Variants in PALLD observed in about 807,000 individuals in gnomAD.
The protein encoded by PALLD is palladin.
In PALLD, 61 loss-of-function variants were observed where a neutral mutation model predicts 123.5. The ratio of observed to expected loss-of-function variants is 0.49; its 90% CI spans 0.40 to 0.61. The LOEUF (loss-of-function observed/expected upper bound fraction) is 0.61, where lower values mean the gene tolerates loss of function less well. PALLD is among the 20% of genes least tolerant of loss of function. PALLD has a pLI of 0.00. For synonymous variants in PALLD, 465 were observed against 496.4 expected (o/e 0.94, Z 0.84); for missense variants, 1,273 against 1,377.0 (o/e 0.92, Z 1.20).
chr4:168,743,060 G>T (rs569288024), intron 10 of PALLD, among the ~76,000 whole-genome samples: 1 of 152,198 alleles, frequency 6.6e-6, no homozygotes, highest in African/African-American at 2.4e-5. Flanking sequence ...AGAATAGATT[G>T]CCTTCTGTGT....
intron 3 of PALLD, among the ~76,000 whole-genome samples, chr4:168,675,297 G>A (rs1407443882): frequency 6.6e-6 from 1 of 152,224 alleles, no homozygotes; most frequent in Non-Finnish European, 1.5e-5. Flanking sequence ...AAGAGAACCA[G>A]CGTGACACAG....
At chr4:168,905,651 A>G (rs1236730132) in intron 15 of PALLD, among the ~76,000 whole-genome samples, 4 of 152,096 alleles carry the variant, frequency 2.6e-5, no homozygotes, top group African/African-American at 7.2e-5. Flanking sequence ...GCACATTCTT[A>G]AAGTTCTAAA....
intron 6 of PALLD, among the ~76,000 whole-genome samples, chr4:168,686,025 C>A (rs1025712233): frequency 2.6e-5 from 4 of 151,782 alleles, no homozygotes; most frequent in Admixed American, 1.3e-4. Context: ...TTCCTTTTTC[C>A]TTCCTTTTTT....
intron 2 of PALLD, among the ~76,000 whole-genome samples, chr4:168,572,730 C>T (rs1397703095): frequency 6.6e-6 from 1 of 151,850 alleles, no homozygotes; most frequent in Non-Finnish European, 1.5e-5. Context: ...GCAAAACCTC[C>T]AAATCTGAAC....
Position 168,708,931 on chromosome 4 carries a change from C to T in PALLD, c.1502-97C>T, listed in dbSNP as rs1784466255. 9.6e-6 allele frequency: 10 copies of T among 1,039,128 alleles called. No homozygotes were observed. The East Asian group carries it at 2.1e-4, about 22-fold the overall frequency. 64.4% of individuals were successfully genotyped at this position (1,039,128 alleles called of 1,614,324 possible). A position where few individuals can be genotyped will look rare whatever the true frequency, so the allele number is the denominator to read the frequency against. On this transcript the variant is annotated intron_variant, in intron 8 of 21. Transcript: ENST00000505667. ...TAAAGTGAATCTGTAATAATCATAA[C>T]CTAATTTGTTTGTTGTGGAAAGGTG...
chr4:168,708,273 A>ATCG (rs1227547183), intron 8 of PALLD, among the ~76,000 whole-genome samples: 2 of 152,024 alleles, frequency 1.3e-5, no homozygotes, highest in Non-Finnish European at 2.9e-5. Context: ...TGTTATCGTC[A>ATCG]TCATCATCAT....
chr4:168,881,365 G>A (rs1311429412), intron 10 of PALLD, among the ~76,000 whole-genome samples: 2 of 151,966 alleles, frequency 1.3e-5, no homozygotes, highest in African/African-American at 2.4e-5. Context: ...GGTAGCAGAG[G>A]TCAAAGCAGG....
At chr4:168,601,167 G>C (rs1399076026) in intron 2 of PALLD, among the ~76,000 whole-genome samples, 2 of 151,846 alleles carry the variant, frequency 1.3e-5, no homozygotes, top group Non-Finnish European at 2.9e-5. Context: ...TAAGAAATTT[G>C]TTAATTCAGT....
At chr4:168,603,710 A>T (rs1336093439) in intron 2 of PALLD, among the ~76,000 whole-genome samples, 1 of 152,196 alleles carries the variant, frequency 6.6e-6, no homozygotes, top group Non-Finnish European at 1.5e-5. Flanking sequence ...CAAAAAAATT[A>T]AGCGTTGTGC....
chr4:168,612,463 T>G (rs1383178680), intron 2 of PALLD, among the ~76,000 whole-genome samples: 1 of 152,132 alleles, frequency 6.6e-6, no homozygotes, highest in Non-Finnish European at 1.5e-5. Context: ...TTGTGTCAAG[T>G]TGAGCCCCAA....
chr4:168,924,674 T>C (rs1560936604), intron 19 of PALLD, among the ~76,000 whole-genome samples: 1 of 152,196 alleles, frequency 6.6e-6, no homozygotes, highest in Non-Finnish European at 1.5e-5. Context: ...AAAGATGAAT[T>C]CATTTGCTTT....
chr4:168,720,775 T>C (rs1283655376), intron 10 of PALLD, among the ~76,000 whole-genome samples: 1 of 152,244 alleles, frequency 6.6e-6, no homozygotes, highest in Non-Finnish European at 1.5e-5. Flanking sequence ...GCATTAGCAG[T>C]GTTGGTCTTG....
At chr4:168,699,235 C>T (rs191382156) in intron 8 of PALLD, among the ~76,000 whole-genome samples, 209 of 152,206 alleles carry the variant, frequency 1.4e-3, no homozygotes, top group African/African-American at 4.8e-3. Flanking sequence ...TCCACCACCA[C>T]GCCCAGCTAA....
intron 10 of PALLD, among the ~76,000 whole-genome samples, chr4:168,831,759 A>G (rs954180468): frequency 6.6e-6 from 1 of 152,222 alleles, no homozygotes; most frequent in African/African-American, 2.4e-5. Flanking sequence ...GAATCATCCT[A>G]ACAAGCCGAC....
At chr4:168,877,138 TTAC>T (rs1277544080) in intron 10 of PALLD, among the ~76,000 whole-genome samples, 2 of 152,222 alleles carry the variant, frequency 1.3e-5, no homozygotes, top group African/African-American at 4.8e-5. Context: ...GCAATTCAGT[TTAC>T]TACTAAAATT....
At chr4:168,790,560 C>T (rs1561526369) in intron 10 of PALLD, among the ~76,000 whole-genome samples, 2 of 152,070 alleles carry the variant, frequency 1.3e-5, no homozygotes, top group Non-Finnish European at 2.9e-5. Context: ...AGTTCATTGA[C>T]CAATCTATGC....
chr4:168,541,458 T>TATTG (rs2149510063), intron 2 of PALLD, among the ~76,000 whole-genome samples: 1 of 28,818 alleles, frequency 3.5e-5, no homozygotes, highest in Admixed American at 5.1e-4. Context: ...TTTATTTATT[T>TATTG]ATTTATTTAT....
intron 2 of PALLD, chr4:168,598,387 G>A (rs1772201655): frequency 3.2e-6 from 2 of 620,144 alleles, no homozygotes; most frequent in African/African-American, 3.7e-5. Flanking sequence ...GACTTGTTAA[G>A]CTGTCAGCAC....
chr4:168,677,369 G>C (rs1459348809), intron 3 of PALLD, among the ~76,000 whole-genome samples: 1 of 152,094 alleles, frequency 6.6e-6, no homozygotes, highest in Non-Finnish European at 1.5e-5. Flanking sequence ...GATTTCACAA[G>C]GGTTGGACAG....
Sources: gnomAD v4.1 joint callset for allele counts (sites outside exome capture counted in the v4.1 genomes callset) on GRCh38, gnomAD v4.1.1 for gene constraint, MANE v1.5 for transcripts, NCBI Gene and HGNC (gene_info 2026-07-23, HGNC 2026-07-21) for gene names.